CREB3L2: variants seen among roughly 807,000 people sequenced by gnomAD.
The protein encoded by CREB3L2 is cyclic AMP-responsive element-binding protein 3-like protein 2.
A neutral mutation model predicts 57.2 loss-of-function variants in CREB3L2; 23 were observed. The observed-to-expected ratio is 0.40, with a 90% confidence interval of 0.29 to 0.57. CREB3L2 has a LOEUF of 0.57. Ranked by LOEUF, CREB3L2 falls within the 20% of genes least tolerant of loss-of-function variation. CREB3L2 has a pLI of 0.42. For missense variants in CREB3L2, 628 were observed against 634.7 expected, an observed-to-expected ratio of 0.99 and a Z score of 0.11; for synonymous variants, 268 against 265.1, an observed-to-expected ratio of 1.01 and a Z score of -0.11.
intron 7 of CREB3L2, among the ~76,000 whole-genome samples, chr7:137,901,811 A>G (rs1677500): frequency 0.76 from 107,339 of 141,910 alleles, 41,619 homozygotes; most frequent in African/African-American, 0.94. Context: ...CCCAGGAGTC[A>G]GATGTTGCAG....
chr7:137,972,703 A>ACAACAAC (rs1184152414), intron 1 of CREB3L2, among the ~76,000 whole-genome samples: 3,703 of 49,218 alleles, frequency 0.075, 163 homozygotes, highest in Admixed American at 0.088. Flanking sequence ...AAAAAAAAAA[A>ACAACAAC]AAAAAAAAAA....
chr7:137,919,344 G>GT (rs1585624918), intron 2 of CREB3L2, among the ~76,000 whole-genome samples: 1 of 152,026 alleles, frequency 6.6e-6, no homozygotes, highest in Non-Finnish European at 1.5e-5. Flanking sequence ...GCTAAGTTTT[G>GT]TATTTTTAGT....
chr7:137,984,288 C>T (rs1242544778), intron 1 of CREB3L2, among the ~76,000 whole-genome samples: 1 of 152,250 alleles, frequency 6.6e-6, no homozygotes, highest in East Asian at 1.9e-4. Context: ...AACACACTCA[C>T]ACCTTCCTGG....
At chr7:137,902,773 T>C (rs1799790343) in intron 7 of CREB3L2, among the ~76,000 whole-genome samples, 1 of 143,170 alleles carries the variant, frequency 7.0e-6, no homozygotes. Context: ...TTTATAGTTG[T>C]ATTATTTTTT....
intron 3 of CREB3L2, among the ~76,000 whole-genome samples, chr7:137,915,380 G>A (rs1268678131): frequency 3.3e-5 from 5 of 151,808 alleles, no homozygotes; most frequent in South Asian, 2.1e-4. Context: ...GAATCAATAC[G>A]TGGGACATTC....
intron 1 of CREB3L2, among the ~76,000 whole-genome samples, chr7:137,935,241 C>G: frequency 6.6e-6 from 1 of 152,210 alleles, no homozygotes; most frequent in Non-Finnish European, 1.5e-5. Flanking sequence ...ACACCTAACA[C>G]TTCACTGCAT....
At chr7:137,988,690 A>G (rs1404045578) in intron 1 of CREB3L2, among the ~76,000 whole-genome samples, 1 of 152,218 alleles carries the variant, frequency 6.6e-6, no homozygotes, top group Admixed American at 6.5e-5. Flanking sequence ...CCCCAAAACT[A>G]AGAACTGCAA....
At chr7:137,922,356 T>C (rs1217116449) in intron 2 of CREB3L2, among the ~76,000 whole-genome samples, 3 of 138,316 alleles carry the variant, frequency 2.2e-5, no homozygotes, top group Admixed American at 7.6e-5. Context: ...CTGTATCAGA[T>C]ACTTTCTGGT....
intron 8 of CREB3L2, among the ~76,000 whole-genome samples, chr7:137,887,327 A>AT (rs533048455): frequency 4.1e-4 from 62 of 152,270 alleles, no homozygotes; most frequent in Admixed American, 9.2e-4. Flanking sequence ...CACAAGAATG[A>AT]TTTTGCTTTC....
chr7:137,904,529 T>G (rs1232863666), intron 6 of CREB3L2, among the ~76,000 whole-genome samples: 1 of 151,960 alleles, frequency 6.6e-6, no homozygotes, highest in Non-Finnish European at 1.5e-5. Context: ...CTGGGCGCGG[T>G]GGTGCATGCT....
At chr7:137,998,075 C>A (rs565987170) in intron 1 of CREB3L2, among the ~76,000 whole-genome samples, 1 of 152,188 alleles carries the variant, frequency 6.6e-6, no homozygotes, top group Non-Finnish European at 1.5e-5. Flanking sequence ...AGAGCTTTAG[C>A]AATTCAGGAT....
chr7:137,977,382 C>G (rs1024909090), intron 1 of CREB3L2, among the ~76,000 whole-genome samples: 3 of 152,114 alleles, frequency 2.0e-5, no homozygotes, highest in Non-Finnish European at 2.9e-5. Context: ...TATGCAACAA[C>G]ACAACGATTA....
rs969728485 is a variant in CREB3L2 at position 137,877,146 on chromosome 7, G to A, written c.*3330C>T. On this transcript the variant is annotated 3_prime_UTR_variant, in exon 12 of 12. Coordinates refer to ENST00000330387, the MANE Select transcript of CREB3L2 (RefSeq NM_194071.4). The stretch of plus-strand genomic sequence containing the variant: ...TTCAACATCCCAACTTTACGGGCAC[G>A]TAAGATTCACAAGCTGAACCAAGAG... 5.7e-5 allele frequency: 13 copies of A among 227,286 alleles called. No individual in the cohort carries two copies. Among genetic ancestry groups the A allele is most frequent in the Non-Finnish European group, 8.7e-5 (10 of 114,472 alleles). The allele number at this position is 227,286 out of a possible 1,614,324, so 14.1% of individuals were successfully genotyped here. A position where few individuals can be genotyped will look rare whatever the true frequency, so the allele number is the denominator to read the frequency against.
chr7:137,966,402 C>G (rs140993176), intron 1 of CREB3L2, among the ~76,000 whole-genome samples: 6 of 152,166 alleles, frequency 3.9e-5, no homozygotes, highest in Non-Finnish European at 7.3e-5. Context: ...ACTGTTAATA[C>G]ATTGGTGCTC....
intron 1 of CREB3L2, among the ~76,000 whole-genome samples, chr7:137,961,909 T>C (rs1442361834): frequency 3.9e-5 from 6 of 152,028 alleles, no homozygotes; most frequent in Non-Finnish European, 8.8e-5. Flanking sequence ...GCAGGCCCCC[T>C]CACTTTTCTG....
chr7:137,895,080 T>A (rs1475880992), intron 8 of CREB3L2, among the ~76,000 whole-genome samples: 1 of 152,182 alleles, frequency 6.6e-6, no homozygotes, highest in Non-Finnish European at 1.5e-5. Flanking sequence ...CTCACAGCCC[T>A]AAAGATGCCT....
intron 1 of CREB3L2, among the ~76,000 whole-genome samples, chr7:137,997,659 T>A (rs1182288397): frequency 1.3e-5 from 2 of 152,112 alleles, no homozygotes; most frequent in Non-Finnish European, 2.9e-5. Flanking sequence ...GCCTGGAAGG[T>A]TAAGCCTGCA....
intron 1 of CREB3L2, among the ~76,000 whole-genome samples, chr7:137,964,075 G>A (rs1801368176): frequency 6.6e-6 from 1 of 152,248 alleles, no homozygotes; most frequent in Admixed American, 6.5e-5. Flanking sequence ...AGCACTTTGG[G>A]AGGTCGTGGC....
intron 1 of CREB3L2, among the ~76,000 whole-genome samples, chr7:137,974,104 C>T (rs1352429395): frequency 6.6e-6 from 1 of 151,792 alleles, no homozygotes; most frequent in African/African-American, 2.4e-5. Context: ...AATAAAAATA[C>T]TTGTCCTACC....
Sources: allele counts gnomAD v4.1 joint callset (sites outside exome capture counted in the v4.1 genomes callset), GRCh38; gene constraint gnomAD v4.1.1; transcripts MANE v1.5; gene names NCBI Gene and HGNC (gene_info 2026-07-23, HGNC 2026-07-21).